TBL1X: variants seen among roughly 807,000 people sequenced by gnomAD.
TBL1X encodes the protein transducin beta like 1 X-linked.
In TBL1X, 10 loss-of-function variants were observed where a neutral mutation model predicts 50.7. The ratio of observed to expected loss-of-function variants is 0.20; its 90% CI spans 0.12 to 0.33. The LOEUF (loss-of-function observed/expected upper bound fraction) is 0.33. Ranked by LOEUF, TBL1X falls within the 10% of genes least tolerant of loss-of-function variation. TBL1X has a pLI of 1.00. For synonymous variants in TBL1X, 190 were observed against 214.7 expected (o/e 0.88, Z 1.01); for missense variants, 340 against 504.4 (o/e 0.67, Z 3.12).
intron 5 of TBL1X, among the ~76,000 whole-genome samples, chrX:9,666,568 T>G (rs1431794751): frequency 8.9e-6 from 1 of 112,289 alleles, no homozygotes; most frequent in Non-Finnish European, 1.9e-5. Context: ...TGGTCTAAAT[T>G]AGGCAGGTCA....
intron 1 of TBL1X, among the ~76,000 whole-genome samples, chrX:9,480,082 G>C (rs1103186): frequency 8.3e-5 from 9 of 108,915 alleles, no homozygotes; most frequent in Non-Finnish European, 1.7e-4. Context: ...TCCCCCCGGC[G>C]TAGCTGAGAT....
At chrX:9,672,526 C>T (rs1446380370) in intron 5 of TBL1X, among the ~76,000 whole-genome samples, 1 of 111,397 alleles carries the variant, frequency 9.0e-6, no homozygotes, top group Non-Finnish European at 1.9e-5. Flanking sequence ...CTACTGTCCT[C>T]AAGATGATGT....
chrX:9,694,742 G>A lies in TBL1X; in HGVS notation c.1053+1323G>A, dbSNP rs192942044. On this transcript the variant is annotated intron_variant, in intron 11 of 17. Transcript: ENST00000645353. ...TAATCCCAGCACTTTGGGAGGCCAC[G>A]GCAGGCAGATCACCTGAGGTCGGGA... Among the ~76,000 whole-genome samples, 183 of 110,971 alleles carry A rather than the reference G, an allele frequency of 1.6e-3. 1 individual carries two copies. Among genetic ancestry groups the A allele is most frequent in the African/African-American group, 5.6e-3 (172 of 30,520 alleles).
chrX:9,577,999 A>G (rs1202150342), intron 2 of TBL1X, among the ~76,000 whole-genome samples: 1 of 112,328 alleles, frequency 8.9e-6, no homozygotes, highest in African/African-American at 3.2e-5. Context: ...TTGCCTCTGC[A>G]GTTTTCTCTG....
chrX:9,663,890 G>A (rs755266921), intron 5 of TBL1X, among the ~76,000 whole-genome samples: 3 of 111,199 alleles, frequency 2.7e-5, no homozygotes, highest in Admixed American at 9.5e-5. Context: ...AGTAGGGATG[G>A]GAGCACGTGC....
At chrX:9,705,908 G>A (rs1377550243) in intron 13 of TBL1X, among the ~76,000 whole-genome samples, 2 of 110,939 alleles carry the variant, frequency 1.8e-5, no homozygotes, top group African/African-American at 3.3e-5. Context: ...AGGCTATACA[G>A]GAAGCATGGC....
intron 2 of TBL1X, among the ~76,000 whole-genome samples, chrX:9,557,362 G>C (rs1367483203): frequency 1.8e-5 from 2 of 112,000 alleles, no homozygotes; most frequent in Non-Finnish European, 3.8e-5. Context: ...ACAGGGTTTT[G>C]TGGATTTGCA....
chrX:9,682,630 G>T, intron 5 of TBL1X, among the ~76,000 whole-genome samples: 2 of 111,690 alleles, frequency 1.8e-5, no homozygotes, highest in Admixed American at 1.9e-4. Context: ...TTTGTTTATT[G>T]CAAGGTCAGT....
intron 1 of TBL1X, among the ~76,000 whole-genome samples, chrX:9,476,784 G>A (rs1443145456): frequency 9.4e-6 from 1 of 106,001 alleles, no homozygotes; most frequent in Non-Finnish European, 2.0e-5. Context: ...AACTTATTAG[G>A]AAGACAGGAT....
intron 1 of TBL1X, among the ~76,000 whole-genome samples, chrX:9,500,649 G>C (rs189822408): frequency 4.9e-4 from 55 of 112,027 alleles, no homozygotes; most frequent in African/African-American, 1.5e-3. Flanking sequence ...ACCCAATTGT[G>C]GTGGGTGCCC....
chrX:9,589,628 A>C (rs988924889), intron 2 of TBL1X, among the ~76,000 whole-genome samples: 35 of 111,078 alleles, frequency 3.2e-4, no homozygotes, highest in African/African-American at 1.1e-3. Context: ...TCCATGATTG[A>C]ATTCAGGAGT....
chrX:9,678,951 G>A (rs1247587537), intron 5 of TBL1X, among the ~76,000 whole-genome samples: 1 of 111,099 alleles, frequency 9.0e-6, no homozygotes. Flanking sequence ...AAATGGACAG[G>A]ACTTTACATG....
In TBL1X at chrX:9,523,620, G is replaced by A. The variant is rs1191190952; in HGVS notation, c.-131+21771G>A. On this transcript the variant is annotated intron_variant, in intron 2 of 17. Coordinates refer to ENST00000645353, the MANE Select transcript of TBL1X (RefSeq NM_005647.4). ...CAAAACACCAGTGGTTCAGCACAGT[G>A]TGGGGACAGAGACTTCAGCGAGGCG... 2.7e-5 allele frequency among the ~76,000 whole-genome samples: 3 copies of A among 112,733 alleles called. 1 individual carries two copies. Among genetic ancestry groups the A allele is most frequent in the African/African-American group, 9.7e-5 (3 of 31,014 alleles).
At chrX:9,566,566 G>T (rs191850681) in intron 2 of TBL1X, among the ~76,000 whole-genome samples, 139 of 112,044 alleles carry the variant, frequency 1.2e-3, no homozygotes, top group Non-Finnish European at 2.1e-3. Context: ...AAACAGAAAA[G>T]GGATCAGGAG....
intron 2 of TBL1X, among the ~76,000 whole-genome samples, chrX:9,635,806 T>G (rs895253769): frequency 3.6e-5 from 4 of 111,754 alleles, no homozygotes; most frequent in African/African-American, 1.3e-4. Context: ...AGGAGGAGAC[T>G]CAGGTAAAGA....
At chrX:9,467,440 C>T (rs2081783363) in intron 1 of TBL1X, among the ~76,000 whole-genome samples, 1 of 112,038 alleles carries the variant, frequency 8.9e-6, no homozygotes, top group Admixed American at 9.4e-5. Context: ...CTCTGCCCAG[C>T]GAGGCAGGAC....
chrX:9,478,521 A>G (rs1194030216), intron 1 of TBL1X, among the ~76,000 whole-genome samples: 1 of 111,802 alleles, frequency 8.9e-6, no homozygotes, highest in East Asian at 2.8e-4. Context: ...GGCCAGGTGA[A>G]CTTTGGAGGA....
At chrX:9,684,598 TAA>T (rs3043994) in intron 6 of TBL1X, among the ~76,000 whole-genome samples, 1,290 of 51,276 alleles carry the variant, frequency 0.025, 45 homozygotes, top group African/African-American at 0.1. Flanking sequence ...TCTCTAAAAT[TAA>T]AAAAAAAAAA....
At chrX:9,504,478 G>T (rs1168990569) in intron 2 of TBL1X, among the ~76,000 whole-genome samples, 2 of 112,168 alleles carry the variant, frequency 1.8e-5, no homozygotes, top group Non-Finnish European at 3.8e-5. Flanking sequence ...GTAGGCTTCA[G>T]AAGATGGGTT....
Sources: allele counts gnomAD v4.1 joint callset (sites outside exome capture counted in the v4.1 genomes callset), GRCh38; gene constraint gnomAD v4.1.1; transcripts MANE v1.5; gene names NCBI Gene and HGNC (gene_info 2026-07-23, HGNC 2026-07-21).